Variants in SLC24A1 observed in about 807,000 individuals in gnomAD.
The protein encoded by SLC24A1 is sodium/potassium/calcium exchanger 1.
SLC24A1 carries 52 observed loss-of-function variants against 88.1 expected under a neutral mutation model. The ratio of observed to expected loss-of-function variants is 0.59; its 90% CI spans 0.47 to 0.74. The LOEUF is 0.74. Ranked by LOEUF, SLC24A1 falls within the 30% of genes least tolerant of loss-of-function variation. The pLI, the probability that SLC24A1 is intolerant of heterozygous loss-of-function variation, is 0.00. For synonymous variants in SLC24A1, 455 were observed against 498.0 expected, an observed-to-expected ratio of 0.91 and a Z score of 1.15; for missense variants, 1,173 against 1,363.3, an observed-to-expected ratio of 0.86 and a Z score of 2.20.
chr15:65,619,031 A>G (rs1363010242), upstream of SLC24A1: 1 of 152,200 alleles, frequency 6.6e-6, no homozygotes, highest in African/African-American at 2.4e-5. Context: ...ATGTTTGGGG[A>G]CTTATTTTGT....
rs770378419 is a variant in SLC24A1, at chr15:65,625,713, C to T, written c.1633C>T (p.Leu545Phe). The T allele has an allele frequency of 1.2e-6, 2 of 1,613,932 alleles. No homozygotes were observed. The highest frequency in any genetic ancestry group is 1.3e-5 in the African/African-American group (1 of 74,930). The change falls in exon 2 of 10, where the codon CTC becomes TTC. Residue 545 changes from leucine (L) to phenylalanine (F), a missense_variant. Physicochemically the swap from Leu to Phe is conservative, Grantham distance 22. Transcript: ENST00000261892. Reference protein sequence around the residue: ...NILFVIGTCSLFSREILNLTW... With the variant: ...NILFVIGTCSFFSREILNLTW... ...TCTCTTTGTCATTGGCACTTGTTCC[C>T]TCTTCTCCCGAGAGATCCTCAACCT...
intron 4 of SLC24A1, among the ~76,000 whole-genome samples, chr15:65,640,922 G>A (rs1224712060): frequency 6.6e-6 from 1 of 151,998 alleles, no homozygotes; most frequent in Non-Finnish European, 1.5e-5. Flanking sequence ...TTAGCCAGGC[G>A]TGGTGGCAGG....
chr15:65,614,852 A>C (rs189826252), intron 2 of SLC24A1, among the ~76,000 whole-genome samples: 1 of 152,226 alleles, frequency 6.6e-6, no homozygotes, highest in Admixed American at 6.5e-5. Flanking sequence ...CAAAGAGGAA[A>C]GCAGAGAAAA....
chr15:65,654,570 C>G lies in SLC24A1; in HGVS notation c.*491C>G. On this transcript the variant is annotated 3_prime_UTR_variant, in exon 10 of 10. Transcript: ENST00000261892. ...TTCTGTTCAAATTGTGAGGTTCTAT[C>G]AGGTTTGTAATCACTGTAGCTTCAG... 8.4e-7 allele frequency: 1 copy of G among 1,191,168 alleles called. No individual in the cohort carries two copies. The highest frequency in any genetic ancestry group is 1.1e-6 in the Non-Finnish European group (1 of 947,082). The allele number at this position is 1,191,168 out of a possible 1,614,324, so 73.8% of individuals were successfully genotyped here. A position where few individuals can be genotyped will look rare whatever the true frequency, so the allele number is the denominator to read the frequency against.
intron 6 of SLC24A1, 74 bp downstream of exon 6, chr15:65,645,777 C>T: frequency 3.1e-6 from 3 of 953,004 alleles, no homozygotes; most frequent in Non-Finnish European, 4.9e-6. Context: ...AATACATCCT[C>T]CCTGAAGGTC....
At chr15:65,615,318 T>C (rs1413089987) in intron 2 of SLC24A1, among the ~76,000 whole-genome samples, 2 of 152,322 alleles carry the variant, frequency 1.3e-5, no homozygotes, top group Non-Finnish European at 1.5e-5. Flanking sequence ...AAAACCTTAG[T>C]GGCATCTTTC....
At chr15:65,659,769 T>G (rs2075799376), downstream of SLC24A1, 1 of 153,954 alleles carries the variant, frequency 6.5e-6, no homozygotes, top group South Asian at 2.0e-4. Context: ...AATACAACCC[T>G]CTCCAAAAGC....
At chr15:65,638,768 C>T (rs956784035) in intron 3 of SLC24A1, among the ~76,000 whole-genome samples, 11 of 151,996 alleles carry the variant, frequency 7.2e-5, no homozygotes, top group African/African-American at 2.2e-4. Context: ...GTAGTGTCAC[C>T]ACAACCACTA....
At chr15:65,656,728 T>A (rs2075695343), downstream of SLC24A1, among the ~76,000 whole-genome samples, 1 of 152,248 alleles carries the variant, frequency 6.6e-6, no homozygotes, top group South Asian at 2.1e-4. Flanking sequence ...CCCCTTAGGC[T>A]GCACTTCCTT....
intron 2 of SLC24A1, among the ~76,000 whole-genome samples, chr15:65,635,072 T>A (rs1040054332): frequency 6.6e-6 from 1 of 152,160 alleles, no homozygotes; most frequent in African/African-American, 2.4e-5. Flanking sequence ...TAAATCTGAA[T>A]GGCAGAGAAA....
At chr15:65,640,801 G>A (rs964934953) in intron 4 of SLC24A1, among the ~76,000 whole-genome samples, 1 of 152,190 alleles carries the variant, frequency 6.6e-6, no homozygotes, top group African/African-American at 2.4e-5. Flanking sequence ...GCTCACGCCT[G>A]TAATCCTAGC....
chr15:65,652,504 T>TATCA (rs2075541082), intron 8 of SLC24A1, 138 bp from the exon 9 acceptor site: 1 of 699,570 alleles, frequency 1.4e-6, no homozygotes, highest in Non-Finnish European at 2.4e-6. Flanking sequence ...TCGGTCCCCC[T>TATCA]ATCACCCTTC....
chr15:65,659,322 G>GTTTTTTT (rs869058369), downstream of SLC24A1: 1 of 71,604 alleles, frequency 1.4e-5, no homozygotes. Context: ...ATATTTTCTG[G>GTTTTTTT]TTTTTTTTTT....
chr15:65,634,207 C>A (rs762163220), intron 2 of SLC24A1, among the ~76,000 whole-genome samples: 6 of 151,490 alleles, frequency 4.0e-5, no homozygotes, highest in African/African-American at 1.5e-4. Flanking sequence ...GTTGAATGAA[C>A]GTTAAAAAAA....
At position 65,654,474 on chromosome 15, in the gene SLC24A1, G is replaced by A; in HGVS notation, c.*395G>A. On this transcript the variant is annotated 3_prime_UTR_variant, in exon 10 of 10. Transcript: ENST00000261892. The stretch of plus-strand genomic sequence containing the variant: ...TCCAAAGGCTGCTGGCCCAAAAGAT[G>A]CAGATGTGGTCTACATCTCAGCCTT... 8.6e-7 allele frequency: 1 copy of A among 1,164,096 alleles called. No homozygotes were observed. The highest frequency in any genetic ancestry group is 1.1e-6 in the Non-Finnish European group (1 of 934,992). 72.1% of individuals were successfully genotyped at this position (1,164,096 alleles called of 1,614,324 possible). A position where few individuals can be genotyped will look rare whatever the true frequency, so the allele number is the denominator to read the frequency against.
In SLC24A1 at chr15:65,650,768, G is replaced by A. The variant is rs2075471311; in HGVS notation, c.2619G>A (p.Glu873=). 1 of 1,610,706 alleles carries A rather than the reference G, an allele frequency of 6.2e-7. No individual in the cohort carries two copies. Among genetic ancestry groups the A allele is most frequent in the African/African-American group, 1.3e-5 (1 of 74,788 alleles). Residue 873 remains glutamate, a synonymous_variant, in exon 7 of 10, where the codon GAG becomes GAA. Transcript: ENST00000261892. This position sits in a 1 kb window ranked among gnomAD's most constrained non-coding sequence, Gnocchi z 4.1. ...EEEEEEQEEE[E]EEEEQEEEEE... ...AGGAGGAAGAGCAGGAGGAAGAGGA[G>A]GAGGAGGAAGAGCAGGAGGAAGAGG...
At chr15:65,637,751 C>G in intron 2 of SLC24A1, among the ~76,000 whole-genome samples, 1 of 152,102 alleles carries the variant, frequency 6.6e-6, no homozygotes, top group East Asian at 1.9e-4. Context: ...TACATGGCTT[C>G]CCAGAGGAAG....
chr15:65,660,650 C>T (rs2075821963), downstream of SLC24A1: 1 of 191,020 alleles, frequency 5.2e-6, no homozygotes, highest in Admixed American at 6.0e-5. Context: ...GATGTCTAAA[C>T]TTTCAATTTA....
intron 2 of SLC24A1, among the ~76,000 whole-genome samples, chr15:65,635,226 T>A (rs1327803335): frequency 1.3e-5 from 2 of 151,708 alleles, no homozygotes; most frequent in Non-Finnish European, 2.9e-5. Context: ...GGCTCACGCC[T>A]GGCCAAGCAC....
Sources: allele counts gnomAD v4.1 joint callset (sites outside exome capture counted in the v4.1 genomes callset), GRCh38; gene constraint gnomAD v4.1.1; non-coding constraint Gnocchi (gnomAD v3.1); transcripts MANE v1.5; gene names NCBI Gene and HGNC (gene_info 2026-07-23, HGNC 2026-07-21).